A4GNT: variants seen among roughly 807,000 people sequenced by gnomAD.
A4GNT encodes alpha-1,4-N-acetylglucosaminyltransferase.
Under a neutral mutation model 8.3 loss-of-function variants are expected in A4GNT, and 6 were observed. The ratio of observed to expected loss-of-function variants is 0.72; its 90% confidence interval spans 0.39 to 1.42. A4GNT has a LOEUF of 1.42. Among genes scored for constraint, A4GNT ranks in the 40% most tolerant of loss-of-function variants. The pLI is 0.02. For synonymous variants in A4GNT, 157 were observed against 159.8 expected, an observed-to-expected ratio of 0.98 and a Z score of 0.13; for missense variants, 377 against 417.0, an observed-to-expected ratio of 0.90 and a Z score of 0.84.
At chr3:138,127,179 A>G (rs1313013323) in intron 2 of A4GNT, among the ~76,000 whole-genome samples, 1 of 150,294 alleles carries the variant, frequency 6.7e-6, no homozygotes, top group East Asian at 1.9e-4. Context: ...CAAAAACCTA[A>G]TAATAATAGC....
rs1173383850 is a variant in A4GNT at position 138,127,057 on chromosome 3, G to A, written c.409-2179C>T. Among the ~76,000 whole-genome samples the A allele has an allele frequency of 4.0e-5, 6 of 149,858 alleles. No homozygotes were observed. The East Asian group carries it at 5.9e-4, about 15-fold the overall frequency. ...TGAGGCAGGAGAATCACTTGAACCTGGGAGGCGGAGGATGCAGTGAGCTGA... is the reference window on the plus strand; with the variant it reads ...TGAGGCAGGAGAATCACTTGAACCTAGGAGGCGGAGGATGCAGTGAGCTGA... On this transcript the variant is annotated intron_variant, in intron 2 of 2. Coordinates refer to ENST00000236709, the MANE Select transcript of A4GNT (RefSeq NM_016161.3).
At chr3:138,129,140 C>T (rs764218366) in intron 2 of A4GNT, among the ~76,000 whole-genome samples, 5 of 152,080 alleles carry the variant, frequency 3.3e-5, no homozygotes, top group African/African-American at 4.8e-5. Context: ...GGACAGTCCA[C>T]CCAGTTCCCA....
Position 138,131,230 on chromosome 3 carries a change from C to G in A4GNT, c.27G>C (p.Leu9=), listed in dbSNP as rs1341460828. The change falls in exon 2 of 3, where the codon CTG becomes CTC. Residue 9 remains leucine, a synonymous_variant. Transcript: ENST00000236709. ...CACAGACAAGCAGCAAGGTGACTGA[C>G]AGGGAGAGCTGGAGCTCCTTCCGCA... MRKELQLS[L]SVTLLLVCGF... is the part of the protein sequence containing the mutation. The G allele has an allele frequency of 1.3e-6, 2 of 1,596,540 alleles. No individual in the cohort carries two copies. The highest frequency in any genetic ancestry group is 1.7e-6 in the Non-Finnish European group (2 of 1,166,150).
upstream of A4GNT, among the ~76,000 whole-genome samples, chr3:138,132,836 C>T (rs2107889765): frequency 6.6e-6 from 1 of 152,244 alleles, no homozygotes; most frequent in East Asian, 1.9e-4. Flanking sequence ...GTCCAAAGGC[C>T]CAGTGATCTA....
chr3:138,130,771 A>C, intron 2 of A4GNT, 78 bp downstream of exon 2: 1 of 1,504,758 alleles, frequency 6.6e-7, no homozygotes, highest in South Asian at 1.3e-5. Context: ...TTCTATTCCC[A>C]TCTCCGACCT....
Position 138,123,733 on chromosome 3 carries a change from T to C in A4GNT, c.*531A>G, listed in dbSNP as rs2042727987. 1.3e-5 allele frequency: 2 copies of C among 153,168 alleles called. No homozygotes were observed. The highest frequency in any genetic ancestry group is 6.5e-5 in the Admixed American group (1 of 15,414). 9.5% of individuals were successfully genotyped at this position (153,168 alleles called of 1,614,324 possible). Reference sequence around the variant, plus strand: ...ATAGACCAGGCTCAGTTAATATTTATTGACTGAATGCATTAATGAATGTCA... The same window carrying C: ...ATAGACCAGGCTCAGTTAATATTTACTGACTGAATGCATTAATGAATGTCA... On this transcript the variant is annotated 3_prime_UTR_variant, in exon 3 of 3. Coordinates refer to ENST00000236709, the MANE Select transcript of A4GNT (RefSeq NM_016161.3).
At position 138,131,372 on chromosome 3, in the gene A4GNT, A is replaced by C. The variant is rs1576524082; in HGVS notation, c.-26-90T>G. 4.6e-6 allele frequency: 5 copies of C among 1,085,080 alleles called. No individual in the cohort carries two copies. In the East Asian group the frequency reaches 1.4e-4, roughly 31 times the overall value. 67.2% of individuals were successfully genotyped at this position (1,085,080 alleles called of 1,614,324 possible). On this transcript the variant is annotated intron_variant, in intron 1 of 2. Coordinates refer to ENST00000236709, the MANE Select transcript of A4GNT (RefSeq NM_016161.3). ...AAATGATACATGAATATCATTTAAA[A>C]ACTTAAATTTTAAATATCCTAAATA... is the stretch of plus-strand genomic sequence containing the variant.
In A4GNT at chr3:138,125,879, A is replaced by G. The variant is rs114681384; in HGVS notation, c.409-1001T>C. Among the ~76,000 whole-genome samples the G allele has an allele frequency of 5.7e-3, 864 of 152,104 alleles. 5 individuals are homozygous for G. The highest frequency in any genetic ancestry group is 0.02 in the African/African-American group (824 of 41,496). On this transcript the variant is annotated intron_variant, in intron 2 of 2. Coordinates refer to ENST00000236709, the MANE Select transcript of A4GNT (RefSeq NM_016161.3). Reference sequence around the variant, plus strand: ...GTCTGGGAACAAGGAGGAGGCAGTGAGCTGAAGCAGAGCTGAGAAGGGAGT... The same window carrying G: ...GTCTGGGAACAAGGAGGAGGCAGTGGGCTGAAGCAGAGCTGAGAAGGGAGT...
chr3:138,130,737 A>T (rs1273135051), intron 2 of A4GNT, 112 bp downstream of exon 2: 3 of 1,199,264 alleles, frequency 2.5e-6, no homozygotes, highest in Non-Finnish European at 3.5e-6. Flanking sequence ...AAGAGGGCCA[A>T]ATGAGAGTCA....
intron 1 of A4GNT, 22 bp from the exon 2 acceptor site, chr3:138,131,304 T>TA: frequency 7.0e-7 from 1 of 1,424,020 alleles, no homozygotes; most frequent in Non-Finnish European, 9.3e-7. Flanking sequence ...CACAATTAAT[T>TA]AAAAATCACA....
Position 138,124,651 on chromosome 3 carries a change from A to G in A4GNT, c.636T>C (p.Val212=). ...CCCAAATGGCTGAATTATAGTGTTC[A>G]ACAAAGTTTTCCATGCATTCCCACA... ...PFLWECMENF[V]EHYNSAIWGN... The change falls in exon 3 of 3, where the codon GTT becomes GTC. Residue 212 remains valine (V), a synonymous_variant. Coordinates refer to ENST00000236709, the MANE Select transcript of A4GNT (RefSeq NM_016161.3). The G allele has an allele frequency of 6.2e-7, 1 of 1,614,228 alleles. No individual in the cohort carries two copies. Among genetic ancestry groups the G allele is most frequent in the African/African-American group, 1.3e-5 (1 of 75,062 alleles).
At chr3:138,130,068 T>G (rs2042767148) in intron 2 of A4GNT, among the ~76,000 whole-genome samples, 1 of 152,162 alleles carries the variant, frequency 6.6e-6, no homozygotes. Context: ...TATTGTGTGT[T>G]GTAGAGTTCT....
Position 138,124,135 on chromosome 3 carries a change from A to C in A4GNT, c.*129T>G. The C allele has an allele frequency of 4.7e-6, 6 of 1,273,336 alleles. No individual in the cohort carries two copies. The South Asian group carries it at 7.4e-5, about 16-fold the overall frequency. 78.9% of individuals were successfully genotyped at this position (1,273,336 alleles called of 1,614,324 possible). On this transcript the variant is annotated 3_prime_UTR_variant, in exon 3 of 3. Transcript: ENST00000236709. Reference sequence around the variant, plus strand: ...TTTTCTATTACAGACAGAGAAAGCTAATCCTAACTGACATTTGAGAGGCAA... The same window carrying C: ...TTTTCTATTACAGACAGAGAAAGCTCATCCTAACTGACATTTGAGAGGCAA...
At chr3:138,128,304 T>C (rs954405399) in intron 2 of A4GNT, among the ~76,000 whole-genome samples, 1 of 152,128 alleles carries the variant, frequency 6.6e-6, no homozygotes, top group East Asian at 1.9e-4. Context: ...GGGTAATTTA[T>C]AAAGAAAAGA....
Position 138,124,498 on chromosome 3 carries a change from G to A in A4GNT, c.789C>T (p.Ile263=), listed in dbSNP as rs755608685. The A allele has an allele frequency of 3.7e-6, 6 of 1,614,248 alleles. No homozygotes were observed. Among genetic ancestry groups the A allele is most frequent in the Middle Eastern group, 1.6e-4 (1 of 6,062 alleles). Residue 263 remains isoleucine (I), a synonymous_variant, in exon 3 of 3, where the codon ATC becomes ATT. Coordinates refer to ENST00000236709, the MANE Select transcript of A4GNT (RefSeq NM_016161.3). ...AGTAGCGCCTCCACTCTCGATAGGA[G>A]ATGGGGTAAAATCTTTGGGGGTGTA... ...SFLHPQRFYP[I]SYREWRRYYE...
intron 2 of A4GNT, 122 bp from the exon 3 acceptor site, chr3:138,125,000 T>C: frequency 7.7e-7 from 1 of 1,296,708 alleles, no homozygotes. Context: ...CAAAATCCTA[T>C]TTGCCACAGC....
chr3:138,127,118 C>CAAAAAAAAAAAAAAAAAAAAAAAAA (rs898641661), intron 2 of A4GNT, among the ~76,000 whole-genome samples: 1 of 34,082 alleles, frequency 2.9e-5, no homozygotes, highest in Non-Finnish European at 6.8e-5. Context: ...GACTCCATCT[C>CAAAAAAAAAAAAAAAAAAAAAAAAA]AAAAAAAAAA....
intron 2 of A4GNT, among the ~76,000 whole-genome samples, chr3:138,128,671 G>A (rs1399262662): frequency 3.3e-5 from 5 of 152,138 alleles, no homozygotes; most frequent in East Asian, 1.9e-4. Context: ...ATCAGGTAGC[G>A]TTAGTCTAGC....
chr3:138,126,983 A>G (rs2042749059), intron 2 of A4GNT, among the ~76,000 whole-genome samples: 1 of 145,100 alleles, frequency 6.9e-6, no homozygotes, highest in Non-Finnish European at 1.5e-5. Context: ...TCCAAAAAAA[A>G]TAGCCAGGCA....
Sources: gnomAD v4.1 joint callset for allele counts (sites outside exome capture counted in the v4.1 genomes callset) on GRCh38, gnomAD v4.1.1 for gene constraint, MANE v1.5 for transcripts, NCBI Gene and HGNC (gene_info 2026-07-23, HGNC 2026-07-21) for gene names.